The following TBL1X variants were observed in gnomAD, a reference collection of about 807,000 sequenced individuals.
The protein encoded by TBL1X is transducin beta like 1 X-linked.
In TBL1X, 10 loss-of-function variants were observed where a neutral mutation model predicts 50.7. The observed-to-expected ratio is 0.20, with a 90% CI of 0.12 to 0.33. The LOEUF (loss-of-function observed/expected upper bound fraction) is 0.33. Ranked by LOEUF, TBL1X falls within the 10% of genes least tolerant of loss-of-function variation. The pLI is 1.00. For synonymous variants in TBL1X, 190 were observed against 214.7 expected (o/e 0.88, Z 1.01); for missense variants, 340 against 504.4 (o/e 0.67, Z 3.12).
intron 2 of TBL1X, among the ~76,000 whole-genome samples, chrX:9,528,490 C>T (rs1000611401): frequency 6.4e-5 from 7 of 110,186 alleles, no homozygotes; most frequent in Middle Eastern, 4.6e-3. Context: ...GAAATAGAAA[C>T]GACTGTCAGA....
chrX:9,589,430 A>T (rs1291592547), intron 2 of TBL1X, among the ~76,000 whole-genome samples: 2 of 108,687 alleles, frequency 1.8e-5, no homozygotes, highest in Admixed American at 1.9e-4. Context: ...TCTTGTTTAT[A>T]GTCGGGATAG....
At position 9,498,635 on chromosome X, in the gene TBL1X, C is replaced by T. The variant is rs763506184; in HGVS notation, c.-200-3145C>T. Among the ~76,000 whole-genome samples, 30 of 112,608 alleles carry T rather than the reference C, an allele frequency of 2.7e-4. No homozygotes were observed. In the South Asian group the frequency reaches 8.4e-3, roughly 32 times the overall value. On this transcript the variant is annotated intron_variant, in intron 1 of 17. Coordinates refer to ENST00000645353, the MANE Select transcript of TBL1X (RefSeq NM_005647.4). ...GTGCTGATCCAGCTCTTGCCTTCTTCGCGAGTATCTGACAAGTCTGCAGAG... is the reference window on the plus strand; with the variant it reads ...GTGCTGATCCAGCTCTTGCCTTCTTTGCGAGTATCTGACAAGTCTGCAGAG...
intron 2 of TBL1X, among the ~76,000 whole-genome samples, chrX:9,528,835 G>A (rs942731336): frequency 9.1e-6 from 1 of 110,370 alleles, no homozygotes; most frequent in East Asian, 2.9e-4. Context: ...AGGGGCCCAG[G>A]CCTTTGTAAA....
At chrX:9,478,001 C>G (rs1319904142) in intron 1 of TBL1X, among the ~76,000 whole-genome samples, 2 of 111,636 alleles carry the variant, frequency 1.8e-5, no homozygotes, top group African/African-American at 6.5e-5. Context: ...CCCTTCATCC[C>G]CAGGAGAGGA....
At chrX:9,530,091 C>T (rs758200097) in intron 2 of TBL1X, among the ~76,000 whole-genome samples, 1 of 111,766 alleles carries the variant, frequency 8.9e-6, no homozygotes, top group African/African-American at 3.3e-5. Context: ...CTGAGCTCCT[C>T]TAGTTTTAGA....
At chrX:9,500,491 G>T (rs767456735) in intron 1 of TBL1X, among the ~76,000 whole-genome samples, 64 of 110,932 alleles carry the variant, frequency 5.8e-4, no homozygotes, top group South Asian at 1.5e-3. Flanking sequence ...AGCTACTCGG[G>T]AGGCTGAGGC....
intron 2 of TBL1X, among the ~76,000 whole-genome samples, chrX:9,509,870 G>T (rs910920543): frequency 1.8e-5 from 2 of 110,787 alleles, no homozygotes; most frequent in Non-Finnish European, 3.8e-5. Context: ...CCTGCATGCT[G>T]CGAGTCTGTG....
chrX:9,551,711 A>T (rs1477278803), intron 2 of TBL1X, among the ~76,000 whole-genome samples: 1 of 111,139 alleles, frequency 9.0e-6, no homozygotes, highest in Non-Finnish European at 1.9e-5. Context: ...TGTGGAGAAG[A>T]TATGGGATGT....
chrX:9,670,340 A>T (rs1204115724), intron 5 of TBL1X, among the ~76,000 whole-genome samples: 1 of 110,685 alleles, frequency 9.0e-6, no homozygotes, highest in Non-Finnish European at 1.9e-5. Flanking sequence ...CTATGATTTC[A>T]TCTCCAACCC....
chrX:9,659,434 C>T (rs2082884493), intron 5 of TBL1X, among the ~76,000 whole-genome samples: 1 of 112,671 alleles, frequency 8.9e-6, no homozygotes, highest in Admixed American at 9.4e-5. Context: ...TTGTGTGCAC[C>T]AGCCATTCAT....
chrX:9,689,688 G>T (rs1467359092), intron 7 of TBL1X, among the ~76,000 whole-genome samples: 2 of 112,450 alleles, frequency 1.8e-5, no homozygotes, highest in Non-Finnish European at 3.8e-5. Flanking sequence ...TGATAAGAAT[G>T]AAAATACTGG....
chrX:9,683,424 G>A (rs2083037620), intron 5 of TBL1X, among the ~76,000 whole-genome samples: 2 of 112,231 alleles, frequency 1.8e-5, no homozygotes, highest in South Asian at 7.5e-4. Flanking sequence ...GAGGAAAAGA[G>A]CCAGCATCAA....
At chrX:9,621,751 G>A (rs181261031) in intron 2 of TBL1X, among the ~76,000 whole-genome samples, 2 of 111,807 alleles carry the variant, frequency 1.8e-5, no homozygotes, top group Non-Finnish European at 3.8e-5. Context: ...ATTTCCCAAC[G>A]ACACAAATTA....
At chrX:9,522,013 CTTTTTT>C (rs138830348) in intron 2 of TBL1X, among the ~76,000 whole-genome samples, 3 of 88,104 alleles carry the variant, frequency 3.4e-5, no homozygotes, top group African/African-American at 1.3e-4. Context: ...TTCTTCGTTT[CTTTTTT>C]TTTTTTTTTT....
intron 2 of TBL1X, among the ~76,000 whole-genome samples, chrX:9,567,476 C>T (rs1472497173): frequency 8.9e-6 from 1 of 111,747 alleles, no homozygotes; most frequent in Non-Finnish European, 1.9e-5. Context: ...CTGTTCCTTC[C>T]CCTGGGATCA....
At chrX:9,615,083 TG>T (rs1403899305) in intron 2 of TBL1X, among the ~76,000 whole-genome samples, 1 of 111,738 alleles carries the variant, frequency 8.9e-6, no homozygotes, top group Non-Finnish European at 1.9e-5. Context: ...ACAAGCACTC[TG>T]GGGTTACCTG....
At chrX:9,672,439 C>G (rs1043997318) in intron 5 of TBL1X, among the ~76,000 whole-genome samples, 2 of 112,112 alleles carry the variant, frequency 1.8e-5, no homozygotes, top group African/African-American at 3.2e-5. Flanking sequence ...GACTGTCAGA[C>G]ACAACACTGT....
rs1035620161 is a variant in TBL1X at position 9,691,587 on chromosome X, G to T, written c.625G>T (p.Ala209Ser). ...ENRAHSVNNHAKPMEIDGEVE... is the reference protein window; with the variant it reads ...ENRAHSVNNHSKPMEIDGEVE... ...TGTGTTTGCTGTGACAGATAATCAC[G>T]CGAAGCCAATGGAAATAGATGGAGA... is the stretch of plus-strand genomic sequence containing the variant. The change falls in exon 8 of 18, where the codon GCG (alanine) becomes TCG (serine). Residue 209 changes from alanine to serine, a missense_variant. Around this residue, in one of 6 missense-constraint regions of TBL1X, gnomAD observed 99 missense variants for 93.3 expected, o/e 1.06. Coordinates refer to ENST00000645353, the MANE Select transcript of TBL1X (RefSeq NM_005647.4). 3 of 1,210,440 alleles carry T rather than the reference G, an allele frequency of 2.5e-6. No homozygotes were observed. In the South Asian group the frequency reaches 5.3e-5, roughly 21 times the overall value.
At chrX:9,700,712 A>C (rs2239412) in intron 12 of TBL1X, among the ~76,000 whole-genome samples, 2 of 110,442 alleles carry the variant, frequency 1.8e-5, no homozygotes, top group African/African-American at 6.6e-5. Flanking sequence ...GATAGGAGAC[A>C]TTGCCTTGCC....
Sources: allele counts gnomAD v4.1 joint callset (sites outside exome capture counted in the v4.1 genomes callset), GRCh38; gene constraint gnomAD v4.1.1; regional missense constraint gnomAD v4.1.1; transcripts MANE v1.5; gene names NCBI Gene and HGNC (gene_info 2026-07-23, HGNC 2026-07-21).